The following PCDH19 variants were observed in gnomAD, a reference collection of about 807,000 sequenced individuals.
PCDH19 encodes protocadherin 19.
In PCDH19, 6 loss-of-function variants were observed where a neutral mutation model predicts 46.2. The ratio of observed to expected loss-of-function variants is 0.13; its 90% CI spans 0.07 to 0.26. The LOEUF (loss-of-function observed/expected upper bound fraction) is 0.26. Among genes scored for constraint, PCDH19 ranks in the 10% least tolerant of loss-of-function variants. The pLI, the probability that PCDH19 is intolerant of heterozygous loss-of-function variation, is 1.00. For missense variants in PCDH19, 740 were observed against 972.3 expected (o/e 0.76, Z 3.18); for synonymous variants, 481 against 415.7 (o/e 1.16, Z -1.91).
chrX:100,303,704 C>A (rs1368417804), intron 5 of PCDH19, among the ~76,000 whole-genome samples: 4 of 112,015 alleles, frequency 3.6e-5, no homozygotes, highest in Non-Finnish European at 7.5e-5. Flanking sequence ...ACACTACAAA[C>A]AACTACTTGT....
intron 5 of PCDH19, among the ~76,000 whole-genome samples, chrX:100,335,840 AG>A (rs1213206652): frequency 8.9e-6 from 1 of 111,932 alleles, no homozygotes; most frequent in Non-Finnish European, 1.9e-5. Context: ...TACCAGAGGC[AG>A]GATGAAAGCA....
chrX:100,296,042 C>T lies in PCDH19; in HGVS notation c.*235G>A. On this transcript the variant is annotated 3_prime_UTR_variant, in exon 6 of 6. Coordinates refer to ENST00000373034, the MANE Select transcript of PCDH19 (RefSeq NM_001184880.2). Reference sequence around the variant, plus strand: ...ACTGAATTTGTCTCTGTTTCCCCAACATCAAGGCCCCATGAACAACTCAAG... The same window carrying T: ...ACTGAATTTGTCTCTGTTTCCCCAATATCAAGGCCCCATGAACAACTCAAG... 1 of 425,050 alleles carries T rather than the reference C, an allele frequency of 2.4e-6. No homozygotes were observed. The highest frequency in any genetic ancestry group is 4.1e-6 in the Non-Finnish European group (1 of 244,676). The allele number at this position is 425,050 out of a possible 1,213,427, so 35.0% of individuals were successfully genotyped here.
At chrX:100,400,178 G>T (rs1340657387) in intron 3 of PCDH19, among the ~76,000 whole-genome samples, 1 of 111,743 alleles carries the variant, frequency 8.9e-6, no homozygotes, top group Non-Finnish European at 1.9e-5. Context: ...TTGTTTAAAT[G>T]ATCAATATGA....
At chrX:100,389,669 C>T (rs918315177) in intron 3 of PCDH19, among the ~76,000 whole-genome samples, 1 of 111,401 alleles carries the variant, frequency 9.0e-6, no homozygotes, top group Non-Finnish European at 1.9e-5. Flanking sequence ...TACACAATTC[C>T]TACTTGTCAA....
chrX:100,320,907 C>T (rs1413849099), intron 5 of PCDH19, among the ~76,000 whole-genome samples: 2 of 108,507 alleles, frequency 1.8e-5, no homozygotes, highest in African/African-American at 6.7e-5. Context: ...ATACTGCACC[C>T]TATTTGTAGT....
intron 3 of PCDH19, among the ~76,000 whole-genome samples, chrX:100,360,718 T>C (rs1256257591): frequency 8.9e-6 from 1 of 112,098 alleles, no homozygotes; most frequent in African/African-American, 3.2e-5. Flanking sequence ...CATTTGGCTC[T>C]GTTGAAATTA....
intron 3 of PCDH19, among the ~76,000 whole-genome samples, chrX:100,397,513 G>A (rs985996510): frequency 5.4e-5 from 6 of 111,749 alleles, no homozygotes; most frequent in African/African-American, 2.0e-4. Flanking sequence ...AAATCCCTAC[G>A]GACCTATGAC....
intron 3 of PCDH19, among the ~76,000 whole-genome samples, chrX:100,355,942 G>A (rs995732539): frequency 8.1e-5 from 9 of 110,673 alleles, no homozygotes; most frequent in East Asian, 2.8e-4. Context: ...CTCTAGAAGA[G>A]TGACTGCAGC....
chrX:100,325,170 C>T (rs73248478), intron 5 of PCDH19, among the ~76,000 whole-genome samples: 19 of 54,186 alleles, frequency 3.5e-4, no homozygotes, highest in East Asian at 7.2e-4. Flanking sequence ...GATAGATAGA[C>T]AGATAGACAC....
chrX:100,364,186 G>A (rs781132093), intron 3 of PCDH19, among the ~76,000 whole-genome samples: 5 of 109,691 alleles, frequency 4.6e-5, no homozygotes, highest in Non-Finnish European at 9.5e-5. Context: ...TCAAGGGCTA[G>A]TGCAGTATTT....
intron 5 of PCDH19, among the ~76,000 whole-genome samples, chrX:100,327,543 ACTAT>A (rs1925733295): frequency 8.9e-6 from 1 of 112,008 alleles, no homozygotes; most frequent in African/African-American, 3.2e-5. Context: ...GTGATTGGAC[ACTAT>A]CTGTCTGGAA....
At chrX:100,361,625 T>C (rs1926884109) in intron 3 of PCDH19, among the ~76,000 whole-genome samples, 1 of 111,916 alleles carries the variant, frequency 8.9e-6, no homozygotes, top group South Asian at 3.7e-4. Context: ...TAAACAACAT[T>C]AACTATTTAA....
intron 3 of PCDH19, among the ~76,000 whole-genome samples, chrX:100,399,352 C>T (rs1344108554): frequency 9.0e-6 from 1 of 111,322 alleles, no homozygotes; most frequent in Admixed American, 9.5e-5. Flanking sequence ...TGGAGAATGT[C>T]CCATTGCACC....
At chrX:100,317,779 C>T (rs1291940037) in intron 5 of PCDH19, among the ~76,000 whole-genome samples, 1 of 110,952 alleles carries the variant, frequency 9.0e-6, no homozygotes, top group East Asian at 2.8e-4. Flanking sequence ...CCCACACACA[C>T]ATACATAGCT....
In PCDH19 at chrX:100,402,333, C is replaced by A. The variant is rs10482000; in HGVS notation, c.2616+191G>T. 0.052 allele frequency among the ~76,000 whole-genome samples: 5,818 copies of A among 112,252 alleles called. 354 individuals are homozygous for A. Among genetic ancestry groups the A allele is most frequent in the African/African-American group, 0.18 (5,525 of 30,770 alleles). ...TCCAATACCCATACCTACACAAAGG[C>A]CCAGTATGTTGGGTTACCTTTTGCT... is the stretch of plus-strand genomic sequence containing the variant. On this transcript the variant is annotated intron_variant, in intron 3 of 5. Coordinates refer to ENST00000373034, the MANE Select transcript of PCDH19 (RefSeq NM_001184880.2).
intron 5 of PCDH19, among the ~76,000 whole-genome samples, chrX:100,302,848 C>T (rs755294058): frequency 7.0e-4 from 78 of 111,861 alleles, no homozygotes; most frequent in Non-Finnish European, 1.3e-3. Context: ...GTCAATTAAA[C>T]TGTTAATAAT....
chrX:100,325,315 A>T (rs923309203), intron 5 of PCDH19, among the ~76,000 whole-genome samples: 1 of 109,939 alleles, frequency 9.1e-6, no homozygotes, highest in African/African-American at 3.3e-5. Context: ...GAAAACTACA[A>T]TTCTCATTTC....
intron 3 of PCDH19, among the ~76,000 whole-genome samples, chrX:100,398,653 G>A (rs907796632): frequency 4.5e-5 from 5 of 112,062 alleles, no homozygotes; most frequent in Non-Finnish European, 7.5e-5. Flanking sequence ...CAGAAGTTAC[G>A]TCTTAAACTT....
At chrX:100,371,818 G>A (rs1297773422) in intron 3 of PCDH19, among the ~76,000 whole-genome samples, 1 of 105,979 alleles carries the variant, frequency 9.4e-6, no homozygotes, top group Non-Finnish European at 1.9e-5. Flanking sequence ...TCAAGTGAAT[G>A]AAGGTCCTTC....
Sources: allele counts gnomAD v4.1 joint callset (sites outside exome capture counted in the v4.1 genomes callset), GRCh38; gene constraint gnomAD v4.1.1; transcripts MANE v1.5; gene names NCBI Gene and HGNC (gene_info 2026-07-23, HGNC 2026-07-21).